The following NTSR1 variants were observed in gnomAD, a reference collection of about 807,000 sequenced individuals.
NTSR1 encodes the protein neurotensin receptor type 1.
A neutral mutation model predicts 31.2 loss-of-function variants in NTSR1; 29 were observed. That is an observed-to-expected ratio of 0.93 (90% CI 0.69 to 1.27). The LOEUF is 1.27. Ranked by LOEUF, NTSR1 falls within the 50% of genes most tolerant of loss-of-function variation. NTSR1 has a pLI of 0.00. For synonymous variants in NTSR1, 282 were observed against 269.9 expected, an observed-to-expected ratio of 1.04 and a Z score of -0.44; for missense variants, 697 against 595.4, an observed-to-expected ratio of 1.17 and a Z score of -1.78.
intron 1 of NTSR1, among the ~76,000 whole-genome samples, chr20:62,737,267 T>C (rs1600727679): frequency 6.6e-6 from 1 of 151,968 alleles, no homozygotes; most frequent in African/African-American, 2.4e-5. Flanking sequence ...GCTATGGCTG[T>C]GTTGGCCACA....
intron 2 of NTSR1, among the ~76,000 whole-genome samples, chr20:62,757,771 T>G (rs962013192): frequency 1.3e-5 from 2 of 152,062 alleles, no homozygotes; most frequent in Non-Finnish European, 2.9e-5. Flanking sequence ...AGCCAGTGTC[T>G]ACCTCCCTCA....
intron 1 of NTSR1, among the ~76,000 whole-genome samples, chr20:62,753,021 G>A (rs187965068): frequency 1.2e-4 from 18 of 152,322 alleles, no homozygotes; most frequent in African/African-American, 3.1e-4. Flanking sequence ...AGCAAGGGGC[G>A]CTGGGCTGGC....
chr20:62,720,856 T>A (rs886988341), intron 1 of NTSR1, among the ~76,000 whole-genome samples: 5 of 152,180 alleles, frequency 3.3e-5, no homozygotes, highest in Admixed American at 1.3e-4. Flanking sequence ...TAGATCAAAA[T>A]TTTTTTATAT....
chr20:62,756,892 T>C (rs897090782), intron 2 of NTSR1, among the ~76,000 whole-genome samples: 11 of 152,290 alleles, frequency 7.2e-5, no homozygotes, highest in African/African-American at 1.9e-4. Context: ...ATTTGTATCT[T>C]CTTTGGAGAA....
intron 1 of NTSR1, among the ~76,000 whole-genome samples, chr20:62,736,778 C>T (rs1027987441): frequency 1.3e-5 from 2 of 152,232 alleles, no homozygotes; most frequent in African/African-American, 4.8e-5. Flanking sequence ...TGGCTGTGTC[C>T]CCACCCAAAA....
intron 1 of NTSR1, among the ~76,000 whole-genome samples, chr20:62,725,983 G>A (rs1296251869): frequency 6.6e-6 from 1 of 152,190 alleles, no homozygotes; most frequent in Non-Finnish European, 1.5e-5. Context: ...CCAACCTCAT[G>A]GGCCAAGAGA....
chr20:62,758,358 T>A lies in NTSR1; in HGVS notation c.1007+2T>A. On this transcript the variant is annotated splice_donor_variant, in intron 3 of 3. Transcript: ENST00000370501. LOFTEE classifies it high-confidence loss of function. This position sits in a 1 kb window ranked among gnomAD's most constrained non-coding sequence, Gnocchi z 4.5. ...CATCTCGGATGAGCAGTGGACTCCG[T>A]GAGTACCGGGAACCAGGAAGTTGGG... 1 of 1,613,082 alleles carries A rather than the reference T, an allele frequency of 6.2e-7. No homozygotes were observed. The highest frequency in any genetic ancestry group is 1.1e-5 in the South Asian group (1 of 91,074).
intron 1 of NTSR1, among the ~76,000 whole-genome samples, chr20:62,712,411 C>T (rs1156470710): frequency 2.6e-5 from 4 of 152,220 alleles, no homozygotes; most frequent in Middle Eastern, 3.2e-3. Context: ...CCTGCCCCAG[C>T]GTCTCCTACG....
At chr20:62,759,214 C>T (rs1469288855) in intron 3 of NTSR1, among the ~76,000 whole-genome samples, 3 of 152,118 alleles carry the variant, frequency 2.0e-5, no homozygotes, top group African/African-American at 4.8e-5. Context: ...GAGTGTGGCC[C>T]CTGCAAAAGC....
Position 62,741,122 on chromosome 20 carries a change from G to A in NTSR1, c.715-13563G>A, listed in dbSNP as rs6089964. On this transcript the variant is annotated intron_variant, in intron 1 of 3. Transcript: ENST00000370501. The surrounding 1 kb of genome is among the most constrained non-coding windows in gnomAD (Gnocchi z 4.3). The stretch of plus-strand genomic sequence containing the variant: ...ACAGGTAGAGGAGGCAAGGGTGTCA[G>A]GAAGGCTCTTTCCCTAATCTGACTA... Among the ~76,000 whole-genome samples the A allele has an allele frequency of 1.3e-5, 2 of 152,038 alleles. No individual in the cohort carries two copies. Among genetic ancestry groups the A allele is most frequent in the Non-Finnish European group, 2.9e-5 (2 of 67,966 alleles).
Position 62,760,214 on chromosome 20 carries a change from G to T in NTSR1, c.1204G>T (p.Val402Leu). ...RPAFSRKADS[V>L]SSNHTLSSNA... Reference sequence around the variant, plus strand: ...AGCCTTCTCGAGGAAGGCCGACAGCGTGTCCAGCAACCACACCCTCTCCAG... The same window carrying T: ...AGCCTTCTCGAGGAAGGCCGACAGCTTGTCCAGCAACCACACCCTCTCCAG... Residue 402 changes from valine (V) to leucine (L), a missense_variant, in exon 4 of 4, where the codon GTG becomes TTG. By Grantham distance (32) the Val-to-Leu change is conservative. Coordinates refer to ENST00000370501, the MANE Select transcript of NTSR1 (RefSeq NM_002531.3). The T allele has an allele frequency of 6.2e-7, 1 of 1,613,694 alleles. No individual in the cohort carries two copies. Among genetic ancestry groups the T allele is most frequent in the Non-Finnish European group, 8.5e-7 (1 of 1,179,986 alleles).
intron 1 of NTSR1, among the ~76,000 whole-genome samples, chr20:62,723,312 G>C (rs1470887313): frequency 2.0e-5 from 3 of 152,150 alleles, no homozygotes; most frequent in Non-Finnish European, 4.4e-5. Flanking sequence ...TGCTGTCTGG[G>C]GTGTCACTTC....
rs116296091 is a variant in NTSR1, at chr20:62,748,207, A to G, written c.715-6478A>G. On this transcript the variant is annotated intron_variant, in intron 1 of 3. Transcript: ENST00000370501. Reference sequence around the variant, plus strand: ...AAAAAAAAAAAAAATCCCATTTACAATAGCATCAAAAAGAGTAAATTTAAT... The same window carrying G: ...AAAAAAAAAAAAAATCCCATTTACAGTAGCATCAAAAAGAGTAAATTTAAT... 4.0e-3 allele frequency among the ~76,000 whole-genome samples: 609 copies of G among 152,200 alleles called. 2 individuals are homozygous for G. Among genetic ancestry groups the G allele is most frequent in the African/African-American group, 0.014 (580 of 41,496 alleles).
chr20:62,748,136 T>C (rs902372408), intron 1 of NTSR1, among the ~76,000 whole-genome samples: 11 of 148,440 alleles, frequency 7.4e-5, no homozygotes, highest in African/African-American at 2.5e-4. Flanking sequence ...AATTGTGCCA[T>C]TGCACTCCAG....
chr20:62,709,912 C>A lies in NTSR1; in HGVS notation c.705C>A (p.Val235=). 2 of 1,592,760 alleles carry A rather than the reference C, an allele frequency of 1.3e-6. No individual in the cohort carries two copies. Among genetic ancestry groups the A allele is most frequent in the South Asian group, 1.1e-5 (1 of 89,476 alleles). The change falls in exon 1 of 4, where the codon GTC becomes GTA. Residue 235 remains valine (V), a synonymous_variant. Coordinates refer to ENST00000370501, the MANE Select transcript of NTSR1 (RefSeq NM_002531.3). ...TPTIHTATVK[V]VIQVNTFMSF... is the part of the protein sequence containing the mutation. ...CCATCCACACTGCCACCGTCAAGGTCGTCATACAGGTGAGCCTCAGTAACC... is the reference window on the plus strand; with the variant it reads ...CCATCCACACTGCCACCGTCAAGGTAGTCATACAGGTGAGCCTCAGTAACC...
Position 62,709,253 on chromosome 20 carries a change from G to A in NTSR1, c.46G>A (p.Ala16Thr), listed in dbSNP as rs752092780. The part of the protein sequence containing the change: ...SAPGTPGTPA[A>T]DPFQRAQAGL... ...GCCGGGAACCCCGGGCACGCCGGCC[G>A]CCGACCCCTTCCAGCGGGCGCAGGC... is the stretch of plus-strand genomic sequence containing the variant. The change falls in exon 1 of 4, where the codon GCC (alanine) becomes ACC (threonine). Residue 16 changes from alanine to threonine, a missense_variant. Coordinates refer to ENST00000370501, the MANE Select transcript of NTSR1 (RefSeq NM_002531.3). 18 of 1,528,446 alleles carry A rather than the reference G, an allele frequency of 1.2e-5. No homozygotes were observed. The South Asian group carries it at 2.1e-4, about 17-fold the overall frequency. 94.7% of individuals were successfully genotyped at this position (1,528,446 alleles called of 1,614,324 possible).
rs116603161 is a variant in NTSR1 at position 62,729,051 on chromosome 20, C to T, written c.714+19130C>T. ...GGATGTCCAGTCCTCGGTCTGTGCACACCTGAGGGGCTCGTGCCCTGCAGG... is the reference window on the plus strand; with the variant it reads ...GGATGTCCAGTCCTCGGTCTGTGCATACCTGAGGGGCTCGTGCCCTGCAGG... On this transcript the variant is annotated intron_variant, in intron 1 of 3. Transcript: ENST00000370501. Among the ~76,000 whole-genome samples the T allele has an allele frequency of 5.7e-3, 867 of 152,352 alleles. 8 individuals are homozygous for T. Among genetic ancestry groups the T allele is most frequent in the African/African-American group, 0.02 (814 of 41,584 alleles).
chr20:62,748,631 A>T (rs1989342616), intron 1 of NTSR1, among the ~76,000 whole-genome samples: 1 of 152,188 alleles, frequency 6.6e-6, no homozygotes, highest in African/African-American at 2.4e-5. Context: ...CGTACAGTCA[A>T]ATCATCTTTG....
rs111578644 is a variant in NTSR1 at position 62,722,718 on chromosome 20, A to G, written c.714+12797A>G. On this transcript the variant is annotated intron_variant, in intron 1 of 3. Transcript: ENST00000370501. ...TGATGGGCTCACCTTGTGAGTATCC[A>G]TGCCCTTAGGGACCACAGTCCTGAG... Among the ~76,000 whole-genome samples the G allele has an allele frequency of 3.1e-3, 471 of 152,360 alleles. 5 individuals carry two copies. Among genetic ancestry groups the G allele is most frequent in the African/African-American group, 0.011 (444 of 41,578 alleles).
Sources: allele counts gnomAD v4.1 joint callset (sites outside exome capture counted in the v4.1 genomes callset), GRCh38; gene constraint gnomAD v4.1.1; non-coding constraint Gnocchi (gnomAD v3.1); transcripts MANE v1.5; gene names NCBI Gene and HGNC (gene_info 2026-07-23, HGNC 2026-07-21).